Variants in COL28A1 observed in about 807,000 individuals in gnomAD.
COL28A1 encodes the protein collagen type XXVIII alpha 1 chain.
In COL28A1, 161 loss-of-function variants were observed where a neutral mutation model predicts 150.2. The ratio of observed to expected loss-of-function variants is 1.07; its 90% confidence interval spans 0.94 to 1.22. The LOEUF (loss-of-function observed/expected upper bound fraction) is 1.22. Among genes scored for constraint, COL28A1 ranks in the 50% most tolerant of loss-of-function variants. The pLI, the probability that COL28A1 is intolerant of heterozygous loss-of-function variation, is 0.00. For synonymous variants in COL28A1, 552 were observed against 469.7 expected, an observed-to-expected ratio of 1.18 and a Z score of -2.26; for missense variants, 1,617 against 1,388.3, an observed-to-expected ratio of 1.16 and a Z score of -2.62.
At chr7:7,428,031 G>A (rs929404560) in intron 25 of COL28A1, among the ~76,000 whole-genome samples, 1 of 152,162 alleles carries the variant, frequency 6.6e-6, no homozygotes, top group African/African-American at 2.4e-5. Context: ...AAAGAGACAA[G>A]TTGCTCAACC....
intron 25 of COL28A1, among the ~76,000 whole-genome samples, chr7:7,429,896 G>A (rs973571330): frequency 6.6e-6 from 1 of 152,052 alleles, no homozygotes; most frequent in African/African-American, 2.4e-5. Context: ...TCAGACAATG[G>A]GAGTTTCACT....
chr7:7,438,287 A>AT lies in COL28A1; in HGVS notation c.1723-826dup, dbSNP rs979494037. Among the ~76,000 whole-genome samples the AT allele has an allele frequency of 1.2e-4, 19 of 152,266 alleles. 2 individuals are homozygous for AT. The highest frequency in any genetic ancestry group is 4.6e-4 in the African/African-American group (19 of 41,540). ...ACCCCTATGATTTTAAAAAAATGAC[A>AT]TTTTTAATAGAAAATTTTAAACATT... On this transcript the variant is annotated intron_variant, in intron 21 of 34. Transcript: ENST00000399429.
chr7:7,538,320 G>C (rs1477546163), upstream of COL28A1, among the ~76,000 whole-genome samples: 1 of 152,226 alleles, frequency 6.6e-6, no homozygotes, highest in South Asian at 2.1e-4. Context: ...AAAAGGCAAC[G>C]TGGAGCCCAT....
intron 13 of COL28A1, among the ~76,000 whole-genome samples, chr7:7,482,799 A>G (rs1489990493): frequency 3.3e-5 from 5 of 152,210 alleles, no homozygotes; most frequent in Non-Finnish European, 5.9e-5. Flanking sequence ...AGTCCAAAGA[A>G]GATAAGAGAA....
intron 18 of COL28A1, among the ~76,000 whole-genome samples, chr7:7,445,293 T>G (rs979495258): frequency 5.3e-5 from 8 of 152,118 alleles, no homozygotes; most frequent in African/African-American, 1.9e-4. Flanking sequence ...CACCATGTGA[T>G]AAGAGAGGCA....
chr7:7,419,556 TA>T (rs1298383321), intron 26 of COL28A1, among the ~76,000 whole-genome samples: 3 of 152,126 alleles, frequency 2.0e-5, no homozygotes, highest in Non-Finnish European at 4.4e-5. Flanking sequence ...GGTGACCTGT[TA>T]AAAAAGCCAC....
chr7:7,458,104 AAT>A (rs960986060), intron 15 of COL28A1, among the ~76,000 whole-genome samples: 1 of 152,216 alleles, frequency 6.6e-6, no homozygotes, highest in Non-Finnish European at 1.5e-5. Context: ...GAGCTAAATA[AAT>A]ATGTTTTTAT....
chr7:7,482,082 A>G (rs567656341), intron 13 of COL28A1, among the ~76,000 whole-genome samples: 8 of 152,358 alleles, frequency 5.3e-5, no homozygotes, highest in African/African-American at 1.9e-4. Flanking sequence ...CTATCAGCAG[A>G]TTTATATTAG....
Position 7,358,442 on chromosome 7 carries a change from G to A in COL28A1, c.*191C>T. 2.1e-6 allele frequency: 1 copy of A among 484,362 alleles called. No homozygotes were observed. Among genetic ancestry groups the A allele is most frequent in the South Asian group, 4.2e-5 (1 of 23,652 alleles). The allele number at this position is 484,362 out of a possible 1,614,324, so 30.0% of individuals were successfully genotyped here. A position where few individuals can be genotyped will look rare whatever the true frequency, so the allele number is the denominator to read the frequency against. The stretch of plus-strand genomic sequence containing the variant: ...AGTTGACAAGTTACTAAACTTCTCA[G>A]AGCCTCAGCTTTCTTACCTATATAA... On this transcript the variant is annotated 3_prime_UTR_variant, in exon 35 of 35. Coordinates refer to ENST00000399429, the MANE Select transcript of COL28A1 (RefSeq NM_001037763.3).
intron 3 of COL28A1, 113 bp downstream of exon 3, chr7:7,531,233 AGT>A (rs1237597248): frequency 2.0e-6 from 1 of 492,744 alleles, no homozygotes. Flanking sequence ...TTCTGTTTTC[AGT>A]GTTAACTCTC....
At chr7:7,539,879 C>T (rs1782755522), upstream of COL28A1, among the ~76,000 whole-genome samples, 1 of 152,182 alleles carries the variant, frequency 6.6e-6, no homozygotes, top group Non-Finnish European at 1.5e-5. Context: ...ATTTGTCATT[C>T]AATCCCCAGC....
intron 10 of COL28A1, among the ~76,000 whole-genome samples, chr7:7,506,730 A>G (rs1208559874): frequency 6.6e-6 from 1 of 152,228 alleles, no homozygotes; most frequent in Non-Finnish European, 1.5e-5. Flanking sequence ...ATAAAAATAT[A>G]CTGTGATTTA....
At position 7,462,714 on chromosome 7, in the gene COL28A1, C is replaced by A. The variant is rs189229211; in HGVS notation, c.1303-6602G>T. 1.9e-3 allele frequency among the ~76,000 whole-genome samples: 287 copies of A among 152,168 alleles called. 1 individual carries two copies. The highest frequency in any genetic ancestry group is 3.6e-3 in the Non-Finnish European group (246 of 68,000). On this transcript the variant is annotated intron_variant, in intron 15 of 34. Transcript: ENST00000399429. ...TCTCTACTAAAAATACAAAAATTAG[C>A]CGGGCGTGGTGGCACATGCCTGTAA...
At chr7:7,512,590 A>T (rs751743620) in intron 8 of COL28A1, among the ~76,000 whole-genome samples, 5 of 152,340 alleles carry the variant, frequency 3.3e-5, no homozygotes, top group Middle Eastern at 3.4e-3. Flanking sequence ...ATTATATCAG[A>T]CTTTTGAAAC....
intron 30 of COL28A1, 114 bp from the exon 31 acceptor site, chr7:7,375,611 A>C: frequency 1.8e-6 from 1 of 561,216 alleles, no homozygotes. Flanking sequence ...TAATCCTTCC[A>C]CTGCAGAAAA....
chr7:7,413,894 C>A (rs1002196043), intron 27 of COL28A1, among the ~76,000 whole-genome samples: 11 of 152,140 alleles, frequency 7.2e-5, no homozygotes, highest in Middle Eastern at 3.2e-3. Flanking sequence ...TAGAGCCAGT[C>A]CACAAATCTA....
At chr7:7,437,332 A>AC in intron 22 of COL28A1, 62 bp downstream of exon 22, 1 of 1,538,778 alleles carries the variant, frequency 6.5e-7, no homozygotes, top group Non-Finnish European at 8.8e-7. Context: ...TGGTATCATG[A>AC]TTTTTTTTTC....
intron 27 of COL28A1, among the ~76,000 whole-genome samples, chr7:7,383,682 G>GTATGTATATATA (rs1554262304): frequency 8.1e-6 from 1 of 124,096 alleles, no homozygotes; most frequent in Admixed American, 8.7e-5. Flanking sequence ...GTGTGTGTGT[G>GTATGTATATATA]TATATATATA....
At chr7:7,385,547 A>G (rs1782133951) in intron 27 of COL28A1, among the ~76,000 whole-genome samples, 1 of 151,432 alleles carries the variant, frequency 6.6e-6, no homozygotes, top group Non-Finnish European at 1.5e-5. Context: ...TTCTTTTGCA[A>G]TATTTCAGAT....
Sources: allele counts gnomAD v4.1 joint callset (sites outside exome capture counted in the v4.1 genomes callset), GRCh38; gene constraint gnomAD v4.1.1; transcripts MANE v1.5; gene names NCBI Gene and HGNC (gene_info 2026-07-23, HGNC 2026-07-21).